SOS2: variants seen among roughly 807,000 people sequenced by gnomAD.
The protein encoded by SOS2 is son of sevenless homolog 2.
In SOS2, 65 loss-of-function variants were observed where a neutral mutation model predicts 148.2. The ratio of observed to expected loss-of-function variants is 0.44; its 90% CI spans 0.36 to 0.54. The LOEUF is 0.54. SOS2 is among the 20% of genes least tolerant of loss of function. The pLI is 0.00. For synonymous variants in SOS2, 539 were observed against 537.1 expected, an observed-to-expected ratio of 1.00 and a Z score of -0.05; for missense variants, 1,341 against 1,590.2, an observed-to-expected ratio of 0.84 and a Z score of 2.67.
intron 1 of SOS2, among the ~76,000 whole-genome samples, chr14:50,229,141 C>T (rs1437892975): frequency 6.6e-6 from 1 of 152,180 alleles, no homozygotes; most frequent in Non-Finnish European, 1.5e-5. Flanking sequence ...CTAAGAGCTA[C>T]AGCTCTTAGC....
At chr14:50,182,341 T>C in intron 6 of SOS2, 122 bp downstream of exon 6, 1 of 860,204 alleles carries the variant, frequency 1.2e-6, no homozygotes, top group South Asian at 1.6e-5. Flanking sequence ...CTACCATGCC[T>C]GGATAATTAT....
intron 8 of SOS2, among the ~76,000 whole-genome samples, chr14:50,171,308 A>C (rs1885354567): frequency 6.6e-6 from 1 of 152,092 alleles, no homozygotes; most frequent in Non-Finnish European, 1.5e-5. Context: ...TATACATAAA[A>C]TAATTCAAAG....
At chr14:50,169,700 T>C (rs1436916371) in intron 8 of SOS2, among the ~76,000 whole-genome samples, 3 of 152,170 alleles carry the variant, frequency 2.0e-5, no homozygotes, top group African/African-American at 7.2e-5. Context: ...TATTGTTATA[T>C]ACATTGTTGG....
chr14:50,183,019 A>G (rs901240794), intron 5 of SOS2, among the ~76,000 whole-genome samples: 2 of 152,254 alleles, frequency 1.3e-5, no homozygotes, highest in Non-Finnish European at 2.9e-5. Flanking sequence ...TATATTATAT[A>G]AAGCAATATA....
intron 21 of SOS2, among the ~76,000 whole-genome samples, chr14:50,124,952 T>C (rs546743426): frequency 6.6e-6 from 1 of 152,352 alleles, no homozygotes; most frequent in South Asian, 2.1e-4. Context: ...GGAAAATGTA[T>C]TTTACTACCA....
chr14:50,135,547 TTAA>T (rs1447077927), intron 18 of SOS2, among the ~76,000 whole-genome samples: 2 of 148,448 alleles, frequency 1.3e-5, no homozygotes, highest in Non-Finnish European at 3.0e-5. Context: ...TATATAATTA[TTAA>T]TAATTTATAT....
At chr14:50,209,161 C>T (rs1299116784) in intron 1 of SOS2, among the ~76,000 whole-genome samples, 1 of 152,124 alleles carries the variant, frequency 6.6e-6, no homozygotes, top group Non-Finnish European at 1.5e-5. Flanking sequence ...GTTCTCAGGC[C>T]TTCAGACTAG....
Position 50,159,930 on chromosome 14 carries a change from G to C in SOS2, c.1353C>G (p.Ile451Met). The change falls in exon 10 of 23, where the codon ATC becomes ATG. Residue 451 changes from isoleucine (I) to methionine (M), a missense_variant. By Grantham distance (10) the Ile-to-Met change is conservative. Coordinates refer to ENST00000216373, the MANE Select transcript of SOS2 (RefSeq NM_006939.4). Reference sequence around the variant, plus strand: ...AAATATGCCGTTCATGTTTGGCACCGATTCTTGTCAATGGTCCCTCCATAA... The same window carrying C: ...AAATATGCCGTTCATGTTTGGCACCCATTCTTGTCAATGGTCCCTCCATAA... Reference protein sequence around the residue: ...EFIMEGPLTRIGAKHERHIFL... With the variant: ...EFIMEGPLTRMGAKHERHIFL... 1 of 1,614,052 alleles carries C rather than the reference G, an allele frequency of 6.2e-7. No individual in the cohort carries two copies. Among genetic ancestry groups the C allele is most frequent in the Non-Finnish European group, 8.5e-7 (1 of 1,179,990 alleles).
Position 50,193,114 on chromosome 14 carries a change from C to A in SOS2, c.511-4414G>T, listed in dbSNP as rs181858396. On this transcript the variant is annotated intron_variant, in intron 4 of 22. Transcript: ENST00000216373. ...CTCAGCCTTCCAAGTAGCTGGGATG[C>A]ACCACCACACCCAGCTAATATTTTT... is the stretch of plus-strand genomic sequence containing the variant. Among the ~76,000 whole-genome samples the A allele has an allele frequency of 3.7e-4, 56 of 152,186 alleles. No homozygotes were observed. The Middle Eastern group carries it at 0.017, about 46-fold the overall frequency.
At chr14:50,164,487 T>C (rs1885111022) in intron 8 of SOS2, among the ~76,000 whole-genome samples, 2 of 151,696 alleles carry the variant, frequency 1.3e-5, no homozygotes, top group South Asian at 4.2e-4. Flanking sequence ...AAAAATTAGC[T>C]GGACGTGGTG....
At chr14:50,151,173 T>C (rs1566828111) in intron 13 of SOS2, among the ~76,000 whole-genome samples, 1 of 152,188 alleles carries the variant, frequency 6.6e-6, no homozygotes, top group Non-Finnish European at 1.5e-5. Context: ...TTTCTTATAT[T>C]TAGTTTGAAA....
At chr14:50,152,839 C>T (rs1594975726) in intron 13 of SOS2, among the ~76,000 whole-genome samples, 2 of 152,114 alleles carry the variant, frequency 1.3e-5, no homozygotes, top group East Asian at 1.9e-4. Flanking sequence ...ATGTCATGTG[C>T]CTGTAGTCCC....
intron 9 of SOS2, among the ~76,000 whole-genome samples, 170 bp from the exon 10 acceptor site, chr14:50,160,256 A>T (rs1337618306): frequency 1.3e-5 from 2 of 152,130 alleles, no homozygotes; most frequent in Non-Finnish European, 2.9e-5. Context: ...CAATTTCATT[A>T]TTATGAAAGA....
At chr14:50,139,796 TAG>T (rs559559058) in intron 17 of SOS2, 144 bp downstream of exon 17, 172 of 485,148 alleles carry the variant, frequency 3.5e-4, no homozygotes, top group African/African-American at 2.4e-3. Context: ...TTATAGAAAA[TAG>T]AGAGTTTTAT....
chr14:50,184,726 G>T (rs1016081160), intron 5 of SOS2, among the ~76,000 whole-genome samples: 9 of 152,024 alleles, frequency 5.9e-5, no homozygotes, highest in Admixed American at 3.9e-4. Context: ...AGTCGGGTGG[G>T]GTGGTATGTG....
intron 18 of SOS2, among the ~76,000 whole-genome samples, chr14:50,135,831 G>A (rs1330783306): frequency 6.7e-6 from 1 of 149,940 alleles, no homozygotes; most frequent in Non-Finnish European, 1.5e-5. Context: ...ATCCATATAG[G>A]TACTTTCTAA....
At chr14:50,127,533 T>C (rs76820105) in intron 21 of SOS2, among the ~76,000 whole-genome samples, 1 of 152,306 alleles carries the variant, frequency 6.6e-6, no homozygotes, top group East Asian at 1.9e-4. Flanking sequence ...AAGACAGAGA[T>C]GGAAGTCACA....
intron 5 of SOS2, among the ~76,000 whole-genome samples, chr14:50,185,511 G>A (rs904419692): frequency 6.6e-5 from 10 of 152,106 alleles, no homozygotes; most frequent in Admixed American, 5.2e-4. Context: ...GGCCAACATG[G>A]CGAAACCCCG....
intron 1 of SOS2, among the ~76,000 whole-genome samples, chr14:50,212,179 A>G (rs1886893532): frequency 6.6e-6 from 1 of 152,258 alleles, no homozygotes; most frequent in South Asian, 2.1e-4. Flanking sequence ...AAAAACTATT[A>G]AGAAAATCAA....
Sources: gnomAD v4.1 joint callset for allele counts (sites outside exome capture counted in the v4.1 genomes callset) on GRCh38, gnomAD v4.1.1 for gene constraint, MANE v1.5 for transcripts, NCBI Gene and HGNC (gene_info 2026-07-23, HGNC 2026-07-21) for gene names.